Variants in TMEM92 observed in about 807,000 individuals in gnomAD.
The protein encoded by TMEM92 is transmembrane protein 92.
TMEM92 carries 15 observed loss-of-function variants against 14.6 expected under a neutral mutation model. The ratio of observed to expected loss-of-function variants is 1.03; its 90% CI spans 0.69 to 1.58. The LOEUF is 1.58. Among genes scored for constraint, TMEM92 ranks in the 40% most tolerant of loss-of-function variants. The pLI is 0.00. For synonymous variants in TMEM92, 85 were observed against 83.3 expected, an observed-to-expected ratio of 1.02 and a Z score of -0.11; for missense variants, 174 against 202.4, an observed-to-expected ratio of 0.86 and a Z score of 0.85.
At chr17:50,273,088 AG>A (rs1283723722), upstream of TMEM92, among the ~76,000 whole-genome samples, 3 of 152,180 alleles carry the variant, frequency 2.0e-5, no homozygotes, top group Non-Finnish European at 4.4e-5. Context: ...GGTGTTTTTC[AG>A]GGGTCAAGAC....
chr17:50,277,749 A>G lies in TMEM92; in HGVS notation c.95+9A>G, dbSNP rs747991343. 1.9e-6 allele frequency: 3 copies of G among 1,613,992 alleles called. No homozygotes were observed. Among genetic ancestry groups the G allele is most frequent in the Non-Finnish European group, 1.7e-6 (2 of 1,179,940 alleles). On this transcript the variant is annotated intron_variant, in intron 2 of 4. Transcript: ENST00000507382. Reference sequence around the variant, plus strand: ...AAATGTGGTCTCATCCTGTAAGTCTAGAGGCCATAACTTCCAATCTGGGGA... The same window carrying G: ...AAATGTGGTCTCATCCTGTAAGTCTGGAGGCCATAACTTCCAATCTGGGGA...
intron 2 of TMEM92, among the ~76,000 whole-genome samples, chr17:50,278,091 G>C (rs952845433): frequency 6.6e-6 from 1 of 152,186 alleles, no homozygotes; most frequent in East Asian, 1.9e-4. Context: ...ATTTGGGTAA[G>C]GGTCACTGGG....
upstream of TMEM92, chr17:50,274,291 T>C: frequency 1.7e-6 from 1 of 578,706 alleles, no homozygotes; most frequent in Non-Finnish European, 3.1e-6. Context: ...AATCCGTTAA[T>C]CTCTTCTACC....
Position 50,280,235 on chromosome 17 carries a change from G to C in TMEM92, c.*927G>C, listed in dbSNP as rs1426141464. 6.6e-6 allele frequency: 1 copy of C among 152,300 alleles called. No homozygotes were observed. The highest frequency in any genetic ancestry group is 1.5e-5 in the Non-Finnish European group (1 of 68,110). The allele number at this position is 152,300 out of a possible 1,614,324, so 9.4% of individuals were successfully genotyped here. ...AACCACCTGCTGGGAGACAATGGGG[G>C]TGGGGAAAAGCCCAGGAGAGCAGTG... On this transcript the variant is annotated 3_prime_UTR_variant, in exon 5 of 5. Coordinates refer to ENST00000507382, the MANE Select transcript of TMEM92 (RefSeq NM_153229.3).
At chr17:50,272,901 G>C (rs1023609118), upstream of TMEM92, among the ~76,000 whole-genome samples, 1 of 152,028 alleles carries the variant, frequency 6.6e-6, no homozygotes, top group Non-Finnish European at 1.5e-5. Flanking sequence ...CTGGGAACTC[G>C]AGAGAAACTG....
At chr17:50,276,039 G>A (rs1290996944) in intron 1 of TMEM92, among the ~76,000 whole-genome samples, 1 of 152,070 alleles carries the variant, frequency 6.6e-6, no homozygotes, top group Non-Finnish European at 1.5e-5. Flanking sequence ...GCTGAGGCAG[G>A]AGTATCACTT....
In TMEM92 at chr17:50,278,979, C is replaced by T. The variant is rs1474911790; in HGVS notation, c.349C>T (p.Pro117Ser). The stretch of plus-strand genomic sequence containing the variant: ...GGTCAGAGTATCCCTTTCTGCGCCC[C>T]CACCCCCCTACAGTGAGGTGGGTGT... ...ERVRVSLSAP[P>S]PPYSEVILKP... is the part of the protein sequence containing the mutation. The change falls in exon 4 of 5, where the codon CCA becomes TCA. Residue 117 changes from proline to serine, a missense_variant. By Grantham distance (74) the Pro-to-Ser change is moderately conservative. Coordinates refer to ENST00000507382, the MANE Select transcript of TMEM92 (RefSeq NM_153229.3). 6.2e-7 allele frequency: 1 copy of T among 1,603,876 alleles called. No individual in the cohort carries two copies.
Position 50,279,516 on chromosome 17 carries a change from C to T in TMEM92, c.*208C>T, listed in dbSNP as rs1005739134. Reference sequence around the variant, plus strand: ...AGGGTTAGGCTGGAGTGACAGTTTCCGCCCACCCCCCAGCCCAAGAAAGAG... The same window carrying T: ...AGGGTTAGGCTGGAGTGACAGTTTCTGCCCACCCCCCAGCCCAAGAAAGAG... On this transcript the variant is annotated 3_prime_UTR_variant, in exon 5 of 5. Transcript: ENST00000507382. 7 of 527,562 alleles carry T rather than the reference C, an allele frequency of 1.3e-5. No homozygotes were observed. The highest frequency in any genetic ancestry group is 6.5e-5 in the South Asian group (3 of 46,184). The allele number at this position is 527,562 out of a possible 1,614,324, so 32.7% of individuals were successfully genotyped here.
chr17:50,272,920 C>T (rs1031531527), upstream of TMEM92, among the ~76,000 whole-genome samples: 2 of 151,738 alleles, frequency 1.3e-5, no homozygotes, highest in Non-Finnish European at 2.9e-5. Context: ...TGGGTGCGGA[C>T]AGATGGGAAG....
chr17:50,274,174 T>C (rs1910340906), upstream of TMEM92, among the ~76,000 whole-genome samples: 1 of 147,768 alleles, frequency 6.8e-6, no homozygotes, highest in African/African-American at 2.5e-5. Context: ...AGACGGGGGG[T>C]CTCACCATGT....
Position 50,277,758 on chromosome 17 carries a change from A to G in TMEM92, c.95+18A>G, listed in dbSNP as rs73338193. The G allele has an allele frequency of 7.4e-4, 1,193 of 1,613,914 alleles. 11 individuals carry two copies. The African/African-American group carries it at 0.014, about 19-fold the overall frequency. ...CTCATCCTGTAAGTCTAGAGGCCAT[A>G]ACTTCCAATCTGGGGAGCGGGGAGG... is the stretch of plus-strand genomic sequence containing the variant. On this transcript the variant is annotated intron_variant, in intron 2 of 4. Transcript: ENST00000507382.
intron 1 of TMEM92, among the ~76,000 whole-genome samples, chr17:50,277,091 C>T (rs771447483): frequency 5.9e-5 from 9 of 152,056 alleles, no homozygotes; most frequent in Non-Finnish European, 8.8e-5. Context: ...ATTTGGGAGG[C>T]GGGGTCCTGG....
chr17:50,271,531 G>C (rs1910245812), upstream of TMEM92: 1 of 151,966 alleles, frequency 6.6e-6, no homozygotes, highest in Non-Finnish European at 1.5e-5. Flanking sequence ...TGTTTTCTTT[G>C]TTTGCAGAGA....
chr17:50,274,681 A>G, intron 1 of TMEM92, 111 bp downstream of exon 1: 1 of 938,968 alleles, frequency 1.1e-6, no homozygotes, highest in Admixed American at 2.4e-5. Flanking sequence ...CCTCCTGACC[A>G]CACACAGTTA....
Position 50,279,562 on chromosome 17 carries a change from G to T in TMEM92, c.*254G>T. ...AAGAGGCTGCCGGAAAGAAAATGCT[G>T]ACCATTGGAGGTGCCCAACAGTAGA... On this transcript the variant is annotated 3_prime_UTR_variant, in exon 5 of 5. Coordinates refer to ENST00000507382, the MANE Select transcript of TMEM92 (RefSeq NM_153229.3). 1 of 453,944 alleles carries T rather than the reference G, an allele frequency of 2.2e-6. No homozygotes were observed. Among genetic ancestry groups the T allele is most frequent in the Non-Finnish European group, 4.0e-6 (1 of 250,806 alleles). 28.1% of individuals were successfully genotyped at this position (453,944 alleles called of 1,614,324 possible).
chr17:50,274,392 G>T, upstream of TMEM92: 1 of 1,109,564 alleles, frequency 9.0e-7, no homozygotes. Flanking sequence ...CGCCTCTCCC[G>T]GTGCAGCTCC....
upstream of TMEM92, among the ~76,000 whole-genome samples, chr17:50,273,849 C>T (rs1424529117): frequency 1.3e-5 from 2 of 152,198 alleles, no homozygotes; most frequent in African/African-American, 2.4e-5. Flanking sequence ...GTCCCCTTCC[C>T]ACTCCCGCCG....
At chr17:50,278,133 G>A (rs1325955026) in intron 2 of TMEM92, among the ~76,000 whole-genome samples, 2 of 152,170 alleles carry the variant, frequency 1.3e-5, no homozygotes, top group Non-Finnish European at 2.9e-5. Context: ...TCAGCCCTGG[G>A]TGTTCTGAAA....
At chr17:50,278,727 C>A in intron 3 of TMEM92, 74 bp from the exon 4 acceptor site, 1 of 1,569,386 alleles carries the variant, frequency 6.4e-7, no homozygotes, top group South Asian at 1.2e-5. Flanking sequence ...GTGTGGGCGG[C>A]GGGAGCGGGG....
Sources: gnomAD v4.1 joint callset for allele counts (sites outside exome capture counted in the v4.1 genomes callset) on GRCh38, gnomAD v4.1.1 for gene constraint, MANE v1.5 for transcripts, NCBI Gene and HGNC (gene_info 2026-07-23, HGNC 2026-07-21) for gene names.